Variants in NXN observed in about 807,000 individuals in gnomAD.
The protein encoded by NXN is nucleoredoxin.
A neutral mutation model predicts 48.6 loss-of-function variants in NXN; 16 were observed. The observed-to-expected ratio is 0.33, with a 90% confidence interval of 0.22 to 0.50. NXN has a LOEUF of 0.50. NXN is among the 20% of genes least tolerant of loss of function. The pLI, the probability that NXN is intolerant of heterozygous loss-of-function variation, is 0.98. For missense variants in NXN, 492 were observed against 605.5 expected (o/e 0.81, Z 1.97); for synonymous variants, 281 against 269.6 (o/e 1.04, Z -0.41).
At chr17:864,930 T>C (rs931211639) in intron 1 of NXN, among the ~76,000 whole-genome samples, 8 of 152,106 alleles carry the variant, frequency 5.3e-5, no homozygotes, top group African/African-American at 1.7e-4. Flanking sequence ...ATCCAGAAAC[T>C]AAAGGGCAGA....
chr17:873,735 A>G (rs2068184874), intron 1 of NXN, among the ~76,000 whole-genome samples: 1 of 152,120 alleles, frequency 6.6e-6, no homozygotes, highest in African/African-American at 2.4e-5. Context: ...TCTCAGACCT[A>G]TGAAAAAAAT....
intron 1 of NXN, among the ~76,000 whole-genome samples, chr17:977,774 T>G (rs1026822583): frequency 6.6e-6 from 1 of 152,206 alleles, no homozygotes; most frequent in African/African-American, 2.4e-5. Context: ...CACGAACGTA[T>G]CACAAAAACC....
chr17:802,776 GTGA>G (rs998206743), intron 7 of NXN, among the ~76,000 whole-genome samples: 6 of 152,216 alleles, frequency 3.9e-5, no homozygotes, highest in Non-Finnish European at 5.9e-5. Flanking sequence ...GGGGGCTGAG[GTGA>G]TGAATGGGTG....
intron 1 of NXN, chr17:907,689 T>C (rs536213716): frequency 1.3e-5 from 2 of 152,378 alleles, no homozygotes; most frequent in African/African-American, 4.8e-5. Context: ...TGGTAATGTT[T>C]AGCAGGTGAT....
At chr17:829,977 G>A (rs1188523818) in intron 1 of NXN, among the ~76,000 whole-genome samples, 1 of 152,122 alleles carries the variant, frequency 6.6e-6, no homozygotes, top group Non-Finnish European at 1.5e-5. Flanking sequence ...AATCCTTTGG[G>A]TATACACCCA....
At chr17:868,155 C>T (rs1207770567) in intron 1 of NXN, among the ~76,000 whole-genome samples, 1 of 152,184 alleles carries the variant, frequency 6.6e-6, no homozygotes, top group African/African-American at 2.4e-5. Context: ...CAGGCTGCTT[C>T]CCTGGGAACC....
At position 956,969 on chromosome 17, in the gene NXN, C is replaced by T. The variant is rs2069177957; in HGVS notation, c.360+22350G>A. 6.6e-6 allele frequency among the ~76,000 whole-genome samples: 1 copy of T among 152,158 alleles called. No individual in the cohort carries two copies. Among genetic ancestry groups the T allele is most frequent in the Non-Finnish European group, 1.5e-5 (1 of 68,032 alleles). On this transcript the variant is annotated intron_variant, in intron 1 of 7. Transcript: ENST00000336868. This position sits in a 1 kb window ranked among gnomAD's most constrained non-coding sequence, Gnocchi z 4.1. ...CCATGGTCATCACCCAGAAAAAACT[C>T]TAAATTTATAGGTATATATATTTCA...
chr17:935,751 T>C (rs192835420), intron 1 of NXN, among the ~76,000 whole-genome samples: 1 of 152,122 alleles, frequency 6.6e-6, no homozygotes, highest in Admixed American at 6.6e-5. Context: ...CCAGCTTTCA[T>C]AACATCCCAC....
rs1239227420 is a variant in NXN, at chr17:825,729, T to C, written c.478+232A>G. The C allele has an allele frequency of 2.1e-6, 1 of 475,312 alleles. No individual in the cohort carries two copies. The highest frequency in any genetic ancestry group is 3.9e-5 in the East Asian group (1 of 25,932). 29.4% of individuals were successfully genotyped at this position (475,312 alleles called of 1,614,324 possible). On this transcript the variant is annotated intron_variant, in intron 2 of 7. Transcript: ENST00000336868. The surrounding 1 kb of genome is among the most constrained non-coding windows in gnomAD (Gnocchi z 4.1). ...CTTCTTACGGCAGAGTCCATCTCTT[T>C]TGGCCCATGAATTAAAGCCCCTAGG...
chr17:962,541 CTCAAAATAAA>C (rs2069250161), intron 1 of NXN, among the ~76,000 whole-genome samples: 1 of 152,058 alleles, frequency 6.6e-6, no homozygotes, highest in Non-Finnish European at 1.5e-5. Context: ...ATAACCCCAT[CTCAAAATAAA>C]TAAATAAATA....
intron 2 of NXN, among the ~76,000 whole-genome samples, chr17:824,968 C>T (rs1157652823): frequency 6.6e-6 from 1 of 152,166 alleles, no homozygotes; most frequent in East Asian, 1.9e-4. Context: ...TGCGGCTCAG[C>T]CCCACGATCC....
intron 5 of NXN, 146 bp from the exon 6 acceptor site, chr17:805,393 G>T: frequency 1.1e-6 from 1 of 872,268 alleles, no homozygotes; most frequent in Non-Finnish European, 1.7e-6. Flanking sequence ...AAGAGGCCAG[G>T]TCTAAAGTCA....
intron 5 of NXN, among the ~76,000 whole-genome samples, chr17:808,753 C>G (rs1389375543): frequency 6.6e-6 from 1 of 151,450 alleles, no homozygotes; most frequent in African/African-American, 2.4e-5. Flanking sequence ...CAGCTCCCTG[C>G]AGCCTCCGCC....
intron 1 of NXN, among the ~76,000 whole-genome samples, chr17:973,199 AAC>A (rs2069412487): frequency 6.6e-6 from 1 of 152,198 alleles, no homozygotes; most frequent in Non-Finnish European, 1.5e-5. Context: ...ATGAGTACCA[AAC>A]CAGCAATGCC....
chr17:868,707 T>C (rs1416178463), intron 1 of NXN, among the ~76,000 whole-genome samples: 1 of 152,116 alleles, frequency 6.6e-6, no homozygotes, highest in East Asian at 1.9e-4. Context: ...TTAGCCAGGA[T>C]GGTCTCGATT....
chr17:948,514 C>T (rs961327451), intron 1 of NXN, among the ~76,000 whole-genome samples: 16 of 152,142 alleles, frequency 1.1e-4, no homozygotes, highest in Admixed American at 1.0e-3. Flanking sequence ...CACTGAGGGA[C>T]GGCTGTGGAA....
At chr17:946,681 A>G (rs1392656627) in intron 1 of NXN, among the ~76,000 whole-genome samples, 1 of 152,196 alleles carries the variant, frequency 6.6e-6, no homozygotes, top group East Asian at 1.9e-4. Flanking sequence ...CCTCACAGGG[A>G]AAAAGAATCG....
chr17:961,927 G>C (rs1266694077), intron 1 of NXN, among the ~76,000 whole-genome samples: 1 of 152,114 alleles, frequency 6.6e-6, no homozygotes, highest in Non-Finnish European at 1.5e-5. Flanking sequence ...CTGAGGTCAG[G>C]AGTTCAAGAC....
intron 1 of NXN, among the ~76,000 whole-genome samples, chr17:866,486 C>T (rs1224731033): frequency 6.6e-6 from 1 of 151,958 alleles, no homozygotes; most frequent in Non-Finnish European, 1.5e-5. Flanking sequence ...GGCAGGAGAA[C>T]CCTTGTACCC....
Sources: allele counts gnomAD v4.1 joint callset (sites outside exome capture counted in the v4.1 genomes callset), GRCh38; gene constraint gnomAD v4.1.1; non-coding constraint Gnocchi (gnomAD v3.1); transcripts MANE v1.5; gene names NCBI Gene and HGNC (gene_info 2026-07-23, HGNC 2026-07-21).